DNAH11: variants seen among roughly 807,000 people sequenced by gnomAD.
The protein encoded by DNAH11 is axonemal beta dynein heavy chain 11.
A neutral mutation model predicts 526.0 loss-of-function variants in DNAH11; 442 were observed. That is an observed-to-expected ratio of 0.84 (90% CI 0.78 to 0.91). The LOEUF is 0.91. Ranked by LOEUF, DNAH11 falls within the 40% of genes least tolerant of loss-of-function variation. The pLI is 0.00. For synonymous variants in DNAH11, 2,461 were observed against 1,935.9 expected (o/e 1.27, Z -7.12); for missense variants, 6,989 against 5,448.7 (o/e 1.28, Z -8.90).
Position 21,637,609 on chromosome 7 carries a change from A to T in DNAH11, c.4726-2A>T. 6.4e-7 allele frequency: 1 copy of T among 1,570,730 alleles called. No homozygotes were observed. Among genetic ancestry groups the T allele is most frequent in the Non-Finnish European group, 8.7e-7 (1 of 1,153,112 alleles). On this transcript the variant is annotated splice_acceptor_variant, in intron 26 of 81. Transcript: ENST00000409508. LOFTEE classifies it high-confidence loss of function. ...ACGGCCCCGTATTGTACTTTCATGC[A>T]GGAGTTAATGTTCAAGACAGCCAAA...
At chr7:21,669,149 A>T (rs1782536229) in intron 30 of DNAH11, among the ~76,000 whole-genome samples, 1 of 151,880 alleles carries the variant, frequency 6.6e-6, no homozygotes, top group Non-Finnish European at 1.5e-5. Context: ...AAATCTTTTG[A>T]TCTTTTGCTC....
At position 21,617,735 on chromosome 7, in the gene DNAH11, C is replaced by G; in HGVS notation, c.4212C>G (p.Ala1404=). 6.2e-7 allele frequency: 1 copy of G among 1,610,460 alleles called. No homozygotes were observed. The highest frequency in any genetic ancestry group is 8.5e-7 in the Non-Finnish European group (1 of 1,178,560). ...LRAITELQSP[A]LRDRHWHQLM... ...CCATCACAGAGTTACAGAGCCCTGC[C>G]CTCAGGGACAGGCATTGGCACCAGC... is the stretch of plus-strand genomic sequence containing the variant. Residue 1404 remains alanine (A), a synonymous_variant, in exon 23 of 82, where the codon GCC becomes GCG. Transcript: ENST00000409508.
At chr7:21,885,340 G>A (rs1784090249) in intron 76 of DNAH11, among the ~76,000 whole-genome samples, 1 of 149,922 alleles carries the variant, frequency 6.7e-6, no homozygotes, top group Admixed American at 6.6e-5. Context: ...AGGACATTAC[G>A]TTAAATGAAA....
At chr7:21,691,586 C>T (rs1282611741) in intron 35 of DNAH11, among the ~76,000 whole-genome samples, 1 of 152,168 alleles carries the variant, frequency 6.6e-6, no homozygotes, top group African/African-American at 2.4e-5. Context: ...GAAAAAGTTA[C>T]ATCACCATCC....
At chr7:21,772,333 T>G (rs1182537887) in intron 55 of DNAH11, among the ~76,000 whole-genome samples, 2 of 78,950 alleles carry the variant, frequency 2.5e-5, no homozygotes, top group Non-Finnish European at 4.4e-5. Flanking sequence ...GGCCAGAGTG[T>G]TTTTTTTTTT....
intron 6 of DNAH11, among the ~76,000 whole-genome samples, chr7:21,564,814 A>G (rs1783596984): frequency 6.6e-6 from 1 of 152,128 alleles, no homozygotes; most frequent in African/African-American, 2.4e-5. Flanking sequence ...GTAGAATTGT[A>G]TTGAAAAAAT....
intron 29 of DNAH11, among the ~76,000 whole-genome samples, chr7:21,657,305 C>T (rs1251064032): frequency 1.3e-5 from 2 of 152,002 alleles, no homozygotes; most frequent in African/African-American, 2.4e-5. Flanking sequence ...CCGAAATGGC[C>T]CTTGTCTTCG....
intron 74 of DNAH11, among the ~76,000 whole-genome samples, chr7:21,874,761 C>T (rs1197772259): frequency 6.6e-6 from 1 of 152,156 alleles, no homozygotes; most frequent in South Asian, 2.1e-4. Flanking sequence ...ACTATCCTAT[C>T]TATCAACATC....
chr7:21,899,838 C>A, intron 80 of DNAH11, 142 bp from the exon 81 acceptor site: 1 of 1,019,816 alleles, frequency 9.8e-7, no homozygotes, highest in Non-Finnish European at 1.4e-6. Flanking sequence ...TGGCCAACCC[C>A]CTGCTCCAGC....
intron 8 of DNAH11, 119 bp from the exon 9 acceptor site, chr7:21,581,786 A>G (rs1784315367): frequency 1.5e-6 from 1 of 646,358 alleles, no homozygotes; most frequent in African/African-American, 1.8e-5. Context: ...TGAAAAATAA[A>G]TTCACTCAGA....
chr7:21,690,371 C>A (rs13225282), intron 34 of DNAH11, among the ~76,000 whole-genome samples: 57 of 151,922 alleles, frequency 3.8e-4, no homozygotes, highest in African/African-American at 1.3e-3. Flanking sequence ...CTGAGCAGGA[C>A]GTCCCTTTCT....
chr7:21,619,891 A>G (rs1785956855), intron 24 of DNAH11, 65 bp from the exon 25 acceptor site: 7 of 1,451,696 alleles, frequency 4.8e-6, no homozygotes, highest in South Asian at 3.9e-5. Flanking sequence ...TTAATTCCAG[A>G]TAATAGTCTA....
At chr7:21,698,804 T>C (rs1435054444) in intron 36 of DNAH11, among the ~76,000 whole-genome samples, 1 of 152,228 alleles carries the variant, frequency 6.6e-6, no homozygotes, top group East Asian at 1.9e-4. Context: ...TTTCATATAA[T>C]GACTACTTTT....
intron 68 of DNAH11, among the ~76,000 whole-genome samples, chr7:21,857,930 A>C (rs1021836426): frequency 1.7e-4 from 26 of 152,286 alleles, no homozygotes; most frequent in African/African-American, 6.3e-4. Flanking sequence ...AATAAATTGA[A>C]CCTTATCAAG....
rs1203811043 is a variant in DNAH11, at chr7:21,711,771, T to A, written c.6894T>A (p.Phe2298Leu). Residue 2298 changes from phenylalanine to leucine, a missense_variant, in exon 42 of 82, where the codon TTT (phenylalanine) becomes TTA (leucine). Transcript: ENST00000409508. ...IALTPFMRLL[F>L]EIHHLRSATP... ...TCACTCCCTTCATGAGGCTTCTGTT[T>A]GAGATACATCACTTAAGGAGCGCAA... The A allele has an allele frequency of 6.2e-7, 1 of 1,613,920 alleles. No individual in the cohort carries two copies. Among genetic ancestry groups the A allele is most frequent in the Admixed American group, 1.7e-5 (1 of 59,992 alleles).
chr7:21,884,059 T>G (rs1784032659), intron 75 of DNAH11, among the ~76,000 whole-genome samples: 1 of 151,828 alleles, frequency 6.6e-6, no homozygotes, highest in Non-Finnish European at 1.5e-5. Context: ...AAAAAAAATC[T>G]TCATAAACAG....
At chr7:21,816,968 T>C (rs890155945) in intron 64 of DNAH11, among the ~76,000 whole-genome samples, 1 of 152,172 alleles carries the variant, frequency 6.6e-6, no homozygotes, top group Non-Finnish European at 1.5e-5. Context: ...ATGTAAATTT[T>C]CTAAAGCCAA....
chr7:21,761,899 A>G (rs1786935067), intron 54 of DNAH11, among the ~76,000 whole-genome samples: 1 of 152,190 alleles, frequency 6.6e-6, no homozygotes, highest in Non-Finnish European at 1.5e-5. Context: ...AATGCCCGAG[A>G]CTGGATAATT....
chr7:21,750,070 C>T (rs1410463809), intron 53 of DNAH11, among the ~76,000 whole-genome samples, 152 bp from the exon 54 acceptor site: 3 of 152,058 alleles, frequency 2.0e-5, no homozygotes, highest in African/African-American at 4.8e-5. Context: ...TTGTATGTCT[C>T]GTAAATAAAA....
Sources: gnomAD v4.1 joint callset for allele counts (sites outside exome capture counted in the v4.1 genomes callset) on GRCh38, gnomAD v4.1.1 for gene constraint, MANE v1.5 for transcripts, NCBI Gene and HGNC (gene_info 2026-07-23, HGNC 2026-07-21) for gene names.